KCNC2: variants seen among roughly 807,000 people sequenced by gnomAD.
KCNC2 encodes potassium voltage-gated channel subfamily C member 2.
Under a neutral mutation model 44.5 loss-of-function variants are expected in KCNC2, and 21 were observed. The observed-to-expected ratio is 0.47, with a 90% CI of 0.33 to 0.68. KCNC2 has a LOEUF of 0.68. KCNC2 is among the 30% of genes least tolerant of loss of function. The pLI is 0.01. For synonymous variants in KCNC2, 391 were observed against 339.1 expected, an observed-to-expected ratio of 1.15 and a Z score of -1.68; for missense variants, 589 against 826.2, an observed-to-expected ratio of 0.71 and a Z score of 3.52.
chr12:75,043,518 A>T lies in KCNC2; in HGVS notation c.1781-277T>A, dbSNP rs537009172. 7 of 1,250,762 alleles carry T rather than the reference A, an allele frequency of 5.6e-6. No individual in the cohort carries two copies. In the South Asian group the frequency reaches 1.7e-4, roughly 30 times the overall value. 77.5% of individuals were successfully genotyped at this position (1,250,762 alleles called of 1,614,324 possible). A position where few individuals can be genotyped will look rare whatever the true frequency, so the allele number is the denominator to read the frequency against. On this transcript the variant is annotated intron_variant, in intron 4 of 4. Transcript: ENST00000549446. The stretch of plus-strand genomic sequence containing the variant: ...GTTAGCATTAATATAATTTTGGCAT[A>T]TAGAATACTAGAACTCATTTAAAAA...
intron 2 of KCNC2, among the ~76,000 whole-genome samples, chr12:75,058,067 A>G (rs1403489165): frequency 6.6e-6 from 1 of 152,054 alleles, no homozygotes; most frequent in Admixed American, 6.6e-5. Context: ...ATTATGGTGT[A>G]CAAAATTAGG....
chr12:75,196,606 A>G (rs1035412477), intron 2 of KCNC2, among the ~76,000 whole-genome samples: 3 of 152,116 alleles, frequency 2.0e-5, no homozygotes, highest in African/African-American at 7.2e-5. Flanking sequence ...TCCCTGGTCC[A>G]GATGAGAAAA....
At chr12:75,091,756 C>T (rs902975985) in intron 2 of KCNC2, among the ~76,000 whole-genome samples, 4 of 151,272 alleles carry the variant, frequency 2.6e-5, no homozygotes, top group African/African-American at 9.7e-5. Context: ...GGCACCTATA[C>T]AGTGCTATGT....
At chr12:75,061,448 G>C (rs1329614711) in intron 2 of KCNC2, among the ~76,000 whole-genome samples, 1 of 151,888 alleles carries the variant, frequency 6.6e-6, no homozygotes, top group Non-Finnish European at 1.5e-5. Context: ...ACGTCTATTG[G>C]ATGAAATAAT....
rs181178165 is a variant in KCNC2, at chr12:75,041,745, G to T, written c.*1360C>A. The T allele has an allele frequency of 1.2e-4, 116 of 992,168 alleles. 1 individual carries two copies. The African/African-American group carries it at 2.0e-3, about 17-fold the overall frequency. 61.5% of individuals were successfully genotyped at this position (992,168 alleles called of 1,614,324 possible). A position where few individuals can be genotyped will look rare whatever the true frequency, so the allele number is the denominator to read the frequency against. On this transcript the variant is annotated 3_prime_UTR_variant, in exon 5 of 5. Transcript: ENST00000549446. ...AACCAAGTGCAATGGTGAAATTGCT[G>T]CTTAAACCCTGCTTATCAAAAAGAT...
At chr12:75,131,226 T>C (rs1203306922) in intron 2 of KCNC2, among the ~76,000 whole-genome samples, 1 of 152,168 alleles carries the variant, frequency 6.6e-6, no homozygotes, top group African/African-American at 2.4e-5. Flanking sequence ...TCTTGAAATT[T>C]GCCTTTCAAA....
intron 4 of KCNC2, among the ~76,000 whole-genome samples, chr12:75,046,103 T>A (rs1455532896): frequency 6.6e-6 from 1 of 151,692 alleles, no homozygotes; most frequent in Non-Finnish European, 1.5e-5. Flanking sequence ...ACTATCATGC[T>A]TAGTAGGAAA....
In KCNC2 at chr12:75,142,055, T is replaced by A. The variant is rs141658471; in HGVS notation, c.687+65242A>T. ...TAAGAGGGAATACCTGAATTCAAATTCAGGTCAGACTCTAGAAGCTGATTA... is the reference window on the plus strand; with the variant it reads ...TAAGAGGGAATACCTGAATTCAAATACAGGTCAGACTCTAGAAGCTGATTA... On this transcript the variant is annotated intron_variant, in intron 2 of 4. Coordinates refer to ENST00000549446, the MANE Select transcript of KCNC2 (RefSeq NM_139137.4). Among the ~76,000 whole-genome samples the A allele has an allele frequency of 1.3e-3, 202 of 152,236 alleles. 1 individual carries two copies. Among genetic ancestry groups the A allele is most frequent in the African/African-American group, 4.6e-3 (191 of 41,556 alleles).
At chr12:75,191,419 C>G (rs1358886161) in intron 2 of KCNC2, among the ~76,000 whole-genome samples, 1 of 146,554 alleles carries the variant, frequency 6.8e-6, no homozygotes, top group Non-Finnish European at 1.5e-5. Context: ...TTTAAGAAAA[C>G]TTTTTGTTTT....
intron 2 of KCNC2, among the ~76,000 whole-genome samples, chr12:75,095,052 C>A (rs1885805730): frequency 6.6e-6 from 1 of 151,792 alleles, no homozygotes; most frequent in Non-Finnish European, 1.5e-5. Context: ...ATAGAAAGGA[C>A]CACACATTGT....
At chr12:75,140,919 G>A (rs2446311) in intron 2 of KCNC2, among the ~76,000 whole-genome samples, 93,659 of 151,658 alleles carry the variant, frequency 0.62, 31,105 homozygotes, top group African/African-American at 0.87. Flanking sequence ...TAAAAAAGTG[G>A]AGGAAAAAAA....
intron 2 of KCNC2, among the ~76,000 whole-genome samples, chr12:75,114,950 G>GC (rs373700986): frequency 7.7e-6 from 1 of 129,858 alleles, no homozygotes; most frequent in Admixed American, 9.4e-5. Context: ...TGCAGGCTCC[G>GC]CCCCCCGGGG....
At chr12:75,174,359 A>C (rs1892038942) in intron 2 of KCNC2, among the ~76,000 whole-genome samples, 1 of 151,958 alleles carries the variant, frequency 6.6e-6, no homozygotes, top group Non-Finnish European at 1.5e-5. Context: ...GCTGATATAT[A>C]AAACTCATTT....
chr12:75,064,847 C>G (rs908861558), intron 2 of KCNC2, among the ~76,000 whole-genome samples: 1 of 151,860 alleles, frequency 6.6e-6, no homozygotes, highest in Non-Finnish European at 1.5e-5. Context: ...GAATTTAACT[C>G]AATTAAAGTA....
intron 2 of KCNC2, among the ~76,000 whole-genome samples, chr12:75,094,364 C>G (rs867219009): frequency 6.6e-6 from 1 of 151,576 alleles, no homozygotes; most frequent in African/African-American, 2.4e-5. Flanking sequence ...TTATTATTCT[C>G]AAACTGAACA....
intron 2 of KCNC2, among the ~76,000 whole-genome samples, chr12:75,085,599 G>A (rs10879883): frequency 0.41 from 62,530 of 151,788 alleles, 16,054 homozygotes; most frequent in Non-Finnish European, 0.58. Context: ...TGCTATAGGC[G>A]GGCTGACATA....
At chr12:75,146,486 T>C (rs1042000364) in intron 2 of KCNC2, among the ~76,000 whole-genome samples, 3 of 152,226 alleles carry the variant, frequency 2.0e-5, no homozygotes, top group Admixed American at 1.3e-4. Context: ...TCTGTTTTAT[T>C]AATTTTAACT....
At chr12:75,200,060 T>C (rs1565691769) in intron 2 of KCNC2, among the ~76,000 whole-genome samples, 1 of 151,728 alleles carries the variant, frequency 6.6e-6, no homozygotes, top group Non-Finnish European at 1.5e-5. Flanking sequence ...TGGAAGGGAA[T>C]CTTGAAAATA....
At position 75,051,015 on chromosome 12, in the gene KCNC2, C is replaced by T. The variant is rs201237451; in HGVS notation, c.990G>A (p.Val330=). Residue 330 remains valine (V), a synonymous_variant, in exon 3 of 5, where the codon GTG becomes GTA. Coordinates refer to ENST00000549446, the MANE Select transcript of KCNC2 (RefSeq NM_139137.4). Reference sequence around the variant, plus strand: ...CTTTGGATGACAGCCCACTGAGTCCCACCTCTAAGTAGAAAGGTAGGATGG... The same window carrying T: ...CTTTGGATGACAGCCCACTGAGTCCTACCTCTAAGTAGAAAGGTAGGATGG... ...FVAILPFYLE[V]GLSGLSSKAA... is the part of the protein sequence containing the mutation. The T allele has an allele frequency of 2.5e-6, 4 of 1,613,736 alleles. No homozygotes were observed. The highest frequency in any genetic ancestry group is 2.5e-6 in the Non-Finnish European group (3 of 1,179,812).
Sources: gnomAD v4.1 joint callset for allele counts (sites outside exome capture counted in the v4.1 genomes callset) on GRCh38, gnomAD v4.1.1 for gene constraint, MANE v1.5 for transcripts, NCBI Gene and HGNC (gene_info 2026-07-23, HGNC 2026-07-21) for gene names.